Variants in TAMM41 observed in about 807,000 individuals in gnomAD.
TAMM41 encodes the protein TAM41 mitochondrial translocator assembly and maintenance homolog.
Under a neutral mutation model 44.1 loss-of-function variants are expected in TAMM41, and 36 were observed. The ratio of observed to expected loss-of-function variants is 0.82; its 90% CI spans 0.63 to 1.08. TAMM41 has a LOEUF of 1.08. Among genes scored for constraint, TAMM41 ranks in the 50% least tolerant of loss-of-function variants. The probability of loss-of-function intolerance (pLI) is 0.00; values close to 1 mark genes in which losing one functional copy is unlikely to be tolerated. For missense variants in TAMM41, 417 were observed against 404.3 expected (o/e 1.03, Z -0.27); for synonymous variants, 164 against 153.1 (o/e 1.07, Z -0.53).
intron 5 of TAMM41, among the ~76,000 whole-genome samples, chr3:11,814,333 A>G (rs572301552): frequency 1.3e-5 from 2 of 152,316 alleles, no homozygotes; most frequent in South Asian, 4.1e-4. Context: ...AATCTTCAAA[A>G]GTTATAATAA....
At chr3:11,751,743 C>T in the TAMM41 span, among the ~76,000 whole-genome samples, 78,772 of 152,140 alleles carry the variant, frequency 0.52, 20,711 homozygotes, top group African/African-American at 0.59. Flanking sequence ...CCCTGCCGCA[C>T]TTGCCACTGC....
chr3:11,784,511 C>T, the TAMM41 span, among the ~76,000 whole-genome samples: 1 of 152,076 alleles, frequency 6.6e-6, no homozygotes, highest in African/African-American at 2.4e-5. Context: ...CAAAAGAAAC[C>T]AAAACCAAAA....
intron 5 of TAMM41, among the ~76,000 whole-genome samples, chr3:11,814,113 G>A (rs1170489730): frequency 2.0e-5 from 3 of 151,874 alleles, no homozygotes; most frequent in Non-Finnish European, 4.4e-5. Context: ...AAGAGTTCAA[G>A]GCTGCAGTGA....
chr3:11,772,865 G>A, the TAMM41 span, among the ~76,000 whole-genome samples: 135 of 152,164 alleles, frequency 8.9e-4, no homozygotes, highest in Non-Finnish European at 1.8e-3. Context: ...GGTCTTTATC[G>A]TCTCCATCTT....
At chr3:11,811,925 T>C (rs958194618) in intron 5 of TAMM41, among the ~76,000 whole-genome samples, 2 of 152,162 alleles carry the variant, frequency 1.3e-5, no homozygotes, top group Non-Finnish European at 2.9e-5. Flanking sequence ...ATAAAGCTAA[T>C]ATTTTGTTAT....
the TAMM41 span, among the ~76,000 whole-genome samples, chr3:11,756,693 C>T: frequency 6.6e-6 from 1 of 151,920 alleles, no homozygotes; most frequent in African/African-American, 2.4e-5. Flanking sequence ...TGGAGAAACC[C>T]CGTCTCTACT....
At position 11,846,722 on chromosome 3, in the gene TAMM41, G is replaced by A; in HGVS notation, c.-86C>T. On this transcript the variant is annotated 5_prime_UTR_variant, in exon 1 of 8. Transcript: ENST00000455809. ...AGACACCGGGTAGGCGGTTTAGGGT[G>A]GGAAATGGAAGTCGGAGACTGGATC... 6.4e-7 allele frequency: 1 copy of A among 1,564,298 alleles called. No homozygotes were observed. The highest frequency in any genetic ancestry group is 1.1e-5 in the South Asian group (1 of 87,666).
chr3:11,773,162 G>A, the TAMM41 span, among the ~76,000 whole-genome samples: 1 of 151,916 alleles, frequency 6.6e-6, no homozygotes, highest in Non-Finnish European at 1.5e-5. Context: ...TCACCATATG[G>A]GACAGGCTGG....
At chr3:11,760,070 A>G in the TAMM41 span, among the ~76,000 whole-genome samples, 1 of 152,222 alleles carries the variant, frequency 6.6e-6, no homozygotes, top group Non-Finnish European at 1.5e-5. Flanking sequence ...TTTCCAAAAC[A>G]CATCTATTGT....
chr3:11,746,580 A>G, the TAMM41 span, among the ~76,000 whole-genome samples: 2 of 151,232 alleles, frequency 1.3e-5, no homozygotes, highest in South Asian at 2.1e-4. Flanking sequence ...TCTTAGAAAC[A>G]TTATGCTGGG....
the TAMM41 span, among the ~76,000 whole-genome samples, chr3:11,729,539 A>ATTTTTTTTTTTT: frequency 1.9e-3 from 61 of 32,294 alleles, 4 homozygotes; most frequent in East Asian, 6.3e-3. Context: ...TCTTTCTTTC[A>ATTTTTTTTTTTT]TTTTTTTTTT....
chr3:11,809,387 C>T, intron 6 of TAMM41, 130 bp downstream of exon 6: 3 of 1,070,340 alleles, frequency 2.8e-6, no homozygotes, highest in Non-Finnish European at 2.7e-6. Context: ...ATTTTTAGTG[C>T]TTTCTTCTTC....
chr3:11,829,767 T>C lies in TAMM41; in HGVS notation c.509A>G (p.Glu170Gly). The change falls in exon 4 of 8, where the codon GAA becomes GGA. Residue 170 changes from glutamate (E) to glycine (G), a missense_variant. Glu to Gly is a moderately conservative substitution (Grantham distance 98). Transcript: ENST00000455809. Reference protein sequence around the residue: ...AVTAAFLMLPESFSEEDLFIE... With the variant: ...AVTAAFLMLPGSFSEEDLFIE... ...GAAGAGGTCTTCTTCAGAAAAGCTT[T>C]CGGGGAGCATGAGGAAAGCAGCGGT... 1.2e-6 allele frequency: 2 copies of C among 1,614,174 alleles called. No homozygotes were observed. The highest frequency in any genetic ancestry group is 1.7e-6 in the Non-Finnish European group (2 of 1,180,020).
At chr3:11,778,704 G>A in the TAMM41 span, among the ~76,000 whole-genome samples, 1 of 152,050 alleles carries the variant, frequency 6.6e-6, no homozygotes, top group African/African-American at 2.4e-5. Flanking sequence ...TGGGTGTGAG[G>A]TGGTATCTCA....
intron 7 of TAMM41, among the ~76,000 whole-genome samples, chr3:11,796,616 G>T (rs1286959013): frequency 6.6e-6 from 1 of 152,030 alleles, no homozygotes; most frequent in Non-Finnish European, 1.5e-5. Context: ...AATATGCTAG[G>T]GTTTTCTCAT....
chr3:11,738,532 G>A, the TAMM41 span, among the ~76,000 whole-genome samples: 1 of 152,128 alleles, frequency 6.6e-6, no homozygotes, highest in African/African-American at 2.4e-5. Flanking sequence ...GACAGCGCTG[G>A]AACCAGAGCT....
chr3:11,735,971 CAG>C, the TAMM41 span, among the ~76,000 whole-genome samples: 3 of 152,014 alleles, frequency 2.0e-5, no homozygotes, highest in East Asian at 5.8e-4. Flanking sequence ...ATCAGAGAGG[CAG>C]GGGGTGAATA....
At chr3:11,734,901 T>A in the TAMM41 span, among the ~76,000 whole-genome samples, 13 of 114,018 alleles carry the variant, frequency 1.1e-4, no homozygotes, top group African/African-American at 5.0e-4. Flanking sequence ...AAAAAAAAAT[T>A]AGCCAGGTGT....
chr3:11,839,284 C>G lies in TAMM41; in HGVS notation c.349G>C (p.Val117Leu). ...CAGTTGAGGAGATCTTCAATCAGAACGTTAGTGCTAATAACTCCATATTTG... is the reference window on the plus strand; with the variant it reads ...CAGTTGAGGAGATCTTCAATCAGAAGGTTAGTGCTAATAACTCCATATTTG... ...LIKYGVISTN[V>L]LIEDLLNWNN... The change falls in exon 3 of 8, where the codon GTT becomes CTT. Residue 117 changes from valine to leucine, a missense_variant. By Grantham distance (32) the Val-to-Leu change is conservative. Transcript: ENST00000455809. 6.2e-7 allele frequency: 1 copy of G among 1,612,970 alleles called. No individual in the cohort carries two copies. Among genetic ancestry groups the G allele is most frequent in the Non-Finnish European group, 8.5e-7 (1 of 1,179,414 alleles).
Sources: gnomAD v4.1 joint callset for allele counts (sites outside exome capture counted in the v4.1 genomes callset) on GRCh38, gnomAD v4.1.1 for gene constraint, MANE v1.5 for transcripts, NCBI Gene and HGNC (gene_info 2026-07-23, HGNC 2026-07-21) for gene names.